The following MYO16 variants were observed in gnomAD, a reference collection of about 807,000 sequenced individuals.
MYO16 encodes myosin XVI.
In MYO16, 94 loss-of-function variants were observed where a neutral mutation model predicts 205.3. The ratio of observed to expected loss-of-function variants is 0.46; its 90% CI spans 0.39 to 0.54. The LOEUF (loss-of-function observed/expected upper bound fraction) is 0.54. Among genes scored for constraint, MYO16 ranks in the 20% least tolerant of loss-of-function variants. The pLI is 0.00. For synonymous variants in MYO16, 988 were observed against 954.0 expected (o/e 1.04, Z -0.66); for missense variants, 2,315 against 2,387.5 (o/e 0.97, Z 0.63).
chr13:108,884,720 T>G (rs1402565370), intron 13 of MYO16, among the ~76,000 whole-genome samples: 4 of 131,166 alleles, frequency 3.0e-5, no homozygotes, highest in Admixed American at 1.5e-4. Context: ...TGAGAAAGGC[T>G]CTGAGACACG....
intron 34 of MYO16, among the ~76,000 whole-genome samples, chr13:109,198,273 A>C (rs1348754405): frequency 1.3e-5 from 2 of 152,206 alleles, no homozygotes; most frequent in African/African-American, 2.4e-5. Context: ...GAATATATAA[A>C]CGCAAATAAA....
intron 1 of MYO16, among the ~76,000 whole-genome samples, chr13:108,612,273 G>A (rs530201801): frequency 9.9e-5 from 15 of 151,834 alleles, no homozygotes; most frequent in Non-Finnish European, 1.9e-4. Context: ...TTAAGGAAAG[G>A]AATCCTTAAC....
At chr13:109,036,699 G>A (rs189557186) in intron 23 of MYO16, among the ~76,000 whole-genome samples, 1 of 152,280 alleles carries the variant, frequency 6.6e-6, no homozygotes, top group East Asian at 1.9e-4. Context: ...GATCCATATT[G>A]AGTCGCATGA....
At chr13:108,586,975 A>G in the MYO16 span, among the ~76,000 whole-genome samples, 3 of 152,226 alleles carry the variant, frequency 2.0e-5, no homozygotes, top group African/African-American at 7.2e-5. Flanking sequence ...GGTTCACTCT[A>G]GATTCTGCAG....
At chr13:108,778,384 C>G (rs1886190946) in intron 4 of MYO16, among the ~76,000 whole-genome samples, 1 of 152,112 alleles carries the variant, frequency 6.6e-6, no homozygotes, top group Non-Finnish European at 1.5e-5. Context: ...TTTGGGAGGC[C>G]AAGGCAAGTG....
intron 11 of MYO16, 125 bp downstream of exon 11, chr13:108,855,678 A>G: frequency 1.6e-6 from 1 of 615,606 alleles, no homozygotes; most frequent in Non-Finnish European, 2.7e-6. Context: ...TGATAGCTGA[A>G]GTTGAATTTC....
chr13:108,725,883 A>G (rs879864649), intron 3 of MYO16, among the ~76,000 whole-genome samples: 9 of 152,124 alleles, frequency 5.9e-5, no homozygotes, highest in South Asian at 2.1e-4. Context: ...GAACTCTCTC[A>G]AGGTAGGAGG....
At chr13:109,075,134 T>C (rs1478381620) in intron 27 of MYO16, among the ~76,000 whole-genome samples, 5 of 152,210 alleles carry the variant, frequency 3.3e-5, no homozygotes, top group Admixed American at 6.5e-5. Context: ...TTATTACAAG[T>C]AGAGCTTCTA....
chr13:108,967,032 A>G (rs1883818551), intron 20 of MYO16, among the ~76,000 whole-genome samples: 1 of 152,128 alleles, frequency 6.6e-6, no homozygotes, highest in Non-Finnish European at 1.5e-5. Flanking sequence ...TTCACAGTAT[A>G]TATGTATTTA....
intron 16 of MYO16, among the ~76,000 whole-genome samples, chr13:108,925,664 C>A (rs769196877): frequency 1.3e-5 from 2 of 152,164 alleles, no homozygotes; most frequent in African/African-American, 2.4e-5. Flanking sequence ...CTCACACCAG[C>A]CCATCGGCAA....
intron 15 of MYO16, among the ~76,000 whole-genome samples, chr13:108,902,969 T>C (rs1369236791): frequency 6.6e-6 from 1 of 152,210 alleles, no homozygotes; most frequent in African/African-American, 2.4e-5. Context: ...GCCCTCTGGC[T>C]CCATCCAGCC....
At chr13:108,500,534 ACTGTT>A in the MYO16 span, among the ~76,000 whole-genome samples, 1 of 151,848 alleles carries the variant, frequency 6.6e-6, no homozygotes, top group Non-Finnish European at 1.5e-5. Context: ...GGACTTGATT[ACTGTT>A]CGTTGGTTTA....
At chr13:109,147,196 A>C (rs1201050447) in intron 32 of MYO16, among the ~76,000 whole-genome samples, 1 of 152,188 alleles carries the variant, frequency 6.6e-6, no homozygotes, top group East Asian at 1.9e-4. Context: ...AAGATTCTAA[A>C]TATTATATCA....
Position 109,127,399 on chromosome 13 carries a change from C to T in MYO16, c.3900C>T (p.His1300=). The T allele has an allele frequency of 6.2e-7, 1 of 1,614,064 alleles. No homozygotes were observed. The highest frequency in any genetic ancestry group is 8.5e-7 in the Non-Finnish European group (1 of 1,180,008). The change falls in exon 31 of 35, where the codon CAC becomes CAT. Residue 1300 remains histidine (H), a synonymous_variant. Transcript: ENST00000457511. This position sits in a 1 kb window ranked among gnomAD's most constrained non-coding sequence, Gnocchi z 4.2. ...CGTCCATCTGGTCTCCTTCGCTGCA[C>T]TCGGTGTTCAGCATGGATGACAGCA... is the stretch of plus-strand genomic sequence containing the variant. ...VGPSIWSPSL[H]SVFSMDDSSS... is the part of the protein sequence containing the mutation.
intron 20 of MYO16, among the ~76,000 whole-genome samples, chr13:108,978,605 T>C (rs1884352929): frequency 6.6e-6 from 1 of 152,088 alleles, no homozygotes; most frequent in Admixed American, 6.5e-5. Context: ...TAGATTCTGT[T>C]TTCTAGTCTT....
At position 108,823,172 on chromosome 13, in the gene MYO16, A is replaced by G. The variant is rs1405847679; in HGVS notation, c.991A>G (p.Ile331Val). The G allele has an allele frequency of 6.2e-7, 1 of 1,612,864 alleles. No homozygotes were observed. The highest frequency in any genetic ancestry group is 1.7e-5 in the Admixed American group (1 of 59,980). ...FIEEMLLKAE[I>V]AWEEKMKEPL... The stretch of plus-strand genomic sequence containing the variant: ...TGAGGAAATGCTGCTGAAAGCCGAA[A>G]TTGCCTGGGAAGAAAAAATGAAAGA... The change falls in exon 9 of 35, where the codon ATT becomes GTT. Residue 331 changes from isoleucine (I) to valine (V), a missense_variant. Transcript: ENST00000457511.
chr13:108,929,918 T>G (rs1283778415), intron 16 of MYO16, among the ~76,000 whole-genome samples: 1 of 152,224 alleles, frequency 6.6e-6, no homozygotes, highest in Admixed American at 6.5e-5. Context: ...TTGTGGCACT[T>G]TAAAATAGTT....
At chr13:108,714,640 T>TTG (rs1883870705) in intron 3 of MYO16, among the ~76,000 whole-genome samples, 1 of 150,162 alleles carries the variant, frequency 6.7e-6, no homozygotes, top group Non-Finnish European at 1.5e-5. Context: ...AGAGATTAGA[T>TTG]ATGTTAATTT....
Position 109,052,333 on chromosome 13 carries a change from A to T in MYO16, c.2906A>T (p.Gln969Leu). ...AATGTCGTGATCAATCATTTGTTCC[A>T]GTCGAAATTGTCACAAACAGGATCC... ...SENVVINHLF[Q>L]SKLSQTGSLV... Residue 969 changes from glutamine (Q) to leucine (L), a missense_variant, in exon 25 of 35, where the codon CAG becomes CTG. This residue lies in a region of MYO16 where 1,213 missense variants were observed against 1,274.4 expected (regional missense o/e 0.95). Coordinates refer to ENST00000457511, the MANE Select transcript of MYO16 (RefSeq NM_001198950.3). 1.2e-6 allele frequency: 2 copies of T among 1,613,422 alleles called. No homozygotes were observed. The highest frequency in any genetic ancestry group is 1.7e-6 in the Non-Finnish European group (2 of 1,179,484).
Sources: allele counts gnomAD v4.1 joint callset (sites outside exome capture counted in the v4.1 genomes callset), GRCh38; gene constraint gnomAD v4.1.1; regional missense constraint gnomAD v4.1.1; non-coding constraint Gnocchi (gnomAD v3.1); transcripts MANE v1.5; gene names NCBI Gene and HGNC (gene_info 2026-07-23, HGNC 2026-07-21).